The following ACBD3 variants were observed in gnomAD, a reference collection of about 807,000 sequenced individuals.
ACBD3 encodes the protein Golgi resident protein GCP60.
In ACBD3, 30 loss-of-function variants were observed where a neutral mutation model predicts 66.9. The ratio of observed to expected loss-of-function variants is 0.45; its 90% confidence interval spans 0.34 to 0.61. ACBD3 has a LOEUF of 0.61. ACBD3 is among the 20% of genes least tolerant of loss of function. The pLI is 0.02. For missense variants in ACBD3, 544 were observed against 664.5 expected, an observed-to-expected ratio of 0.82 and a Z score of 1.99; for synonymous variants, 278 against 259.8, an observed-to-expected ratio of 1.07 and a Z score of -0.68.
Position 226,149,377 on chromosome 1 carries a change from C to T in ACBD3, c.1376-2556G>A, listed in dbSNP as rs75421564. On this transcript the variant is annotated intron_variant, in intron 7 of 7. Coordinates refer to ENST00000366812, the MANE Select transcript of ACBD3 (RefSeq NM_022735.4). ...AAGTAGCTGGGATTACAGGCATGTG[C>T]CACCATGCCTGGCTAATTTTTGTAC... Among the ~76,000 whole-genome samples, 5 of 151,640 alleles carry T rather than the reference C, an allele frequency of 3.3e-5. No homozygotes were observed. In the South Asian group the frequency reaches 1.0e-3, roughly 32 times the overall value.
At chr1:226,149,545 T>A (rs1311810147) in intron 7 of ACBD3, among the ~76,000 whole-genome samples, 17 of 118,444 alleles carry the variant, frequency 1.4e-4, no homozygotes, top group Admixed American at 7.0e-4. Flanking sequence ...TTTTTTTTTT[T>A]TTTTTTTTTT....
intron 6 of ACBD3, among the ~76,000 whole-genome samples, chr1:226,154,401 T>A (rs1382709243): frequency 6.6e-6 from 1 of 150,474 alleles, no homozygotes; most frequent in East Asian, 1.9e-4. Flanking sequence ...AATAGATAAT[T>A]TATATATATA....
Position 226,161,685 on chromosome 1 carries a change from C to G in ACBD3, c.574G>C (p.Glu192Gln). Residue 192 changes from glutamate to glutamine, a missense_variant, in exon 4 of 8, where the codon GAG becomes CAG. By Grantham distance (29) the Glu-to-Gln change is conservative. This residue lies in a region of ACBD3 where 383 missense variants were observed against 462.4 expected (regional missense o/e 0.83). Coordinates refer to ENST00000366812, the MANE Select transcript of ACBD3 (RefSeq NM_022735.4). ...EKEEQEKKRK[E>Q]EEERRRREEE... is the part of the protein sequence containing the mutation. Reference sequence around the variant, plus strand: ...TCACGCCGCCTTCGCTCCTCTTCCTCCTTCCTACAAGGCAAAGATAGAGAA... The same window carrying G: ...TCACGCCGCCTTCGCTCCTCTTCCTGCTTCCTACAAGGCAAAGATAGAGAA... 6.3e-7 allele frequency: 1 copy of G among 1,589,280 alleles called. No homozygotes were observed.
Position 226,164,883 on chromosome 1 carries a change from C to A in ACBD3, c.475G>T (p.Val159Leu), listed in dbSNP as rs759745289. ...CTATTTAAGAGCTTGACAAACTCCA[C>A]CATGGCATCCTCTTTAGACATGTTT... ...LGNMSKEDAM[V>L]EFVKLLNRCC... Residue 159 changes from valine (V) to leucine (L), a missense_variant, in exon 3 of 8, where the codon GTG becomes TTG. Transcript: ENST00000366812. The A allele has an allele frequency of 9.3e-6, 15 of 1,608,638 alleles. No individual in the cohort carries two copies. Among genetic ancestry groups the A allele is most frequent in the African/African-American group, 1.3e-5 (1 of 74,856 alleles).
At position 226,186,686 on chromosome 1, in the gene ACBD3, T is replaced by C. The variant is rs566364351; in HGVS notation, c.-11A>G. On this transcript the variant is annotated 5_prime_UTR_variant, in exon 1 of 8. Coordinates refer to ENST00000366812, the MANE Select transcript of ACBD3 (RefSeq NM_022735.4). ...CAGCACCGCCGCCATCTCCGGCTGC[T>C]GCACCTCCTCAGCGGGGACAGACGG... 3.8e-5 allele frequency: 56 copies of C among 1,488,656 alleles called. No homozygotes were observed. Among genetic ancestry groups the C allele is most frequent in the African/African-American group, 3.7e-4 (26 of 69,526 alleles). The allele number at this position is 1,488,656 out of a possible 1,614,324, so 92.2% of individuals were successfully genotyped here.
chr1:226,176,585 T>C (rs777743715), intron 1 of ACBD3, among the ~76,000 whole-genome samples: 1 of 152,198 alleles, frequency 6.6e-6, no homozygotes, highest in Non-Finnish European at 1.5e-5. Context: ...TCATATTTAT[T>C]ACTACAATTT....
chr1:226,180,280 A>G (rs1445629435), intron 1 of ACBD3, among the ~76,000 whole-genome samples: 1 of 152,182 alleles, frequency 6.6e-6, no homozygotes, highest in Non-Finnish European at 1.5e-5. Context: ...AAAAGTTTTA[A>G]GACTTCCCCT....
intron 6 of ACBD3, among the ~76,000 whole-genome samples, chr1:226,153,238 TTC>T (rs1659609702): frequency 1.3e-5 from 2 of 152,192 alleles, no homozygotes; most frequent in Non-Finnish European, 2.9e-5. Flanking sequence ...TTGAAATATT[TTC>T]TCTCATTTGA....
At chr1:226,168,401 G>C (rs1870928) in intron 1 of ACBD3, among the ~76,000 whole-genome samples, 15,476 of 152,130 alleles carry the variant, frequency 0.1, 895 homozygotes, top group South Asian at 0.19. Context: ...ACATATGCTT[G>C]ACAAGCACTC....
intron 5 of ACBD3, among the ~76,000 whole-genome samples, chr1:226,155,604 AG>A (rs1264253547): frequency 6.6e-6 from 1 of 152,224 alleles, no homozygotes; most frequent in African/African-American, 2.4e-5. Context: ...TCACAAAGGC[AG>A]AAGCTATAAT....
intron 1 of ACBD3, among the ~76,000 whole-genome samples, chr1:226,181,482 T>C (rs989446141): frequency 6.6e-6 from 1 of 152,188 alleles, no homozygotes. Context: ...CACAATTGGG[T>C]ATAATCAATA....
intron 1 of ACBD3, among the ~76,000 whole-genome samples, chr1:226,172,465 G>A (rs1655852018): frequency 6.6e-6 from 1 of 152,116 alleles, no homozygotes; most frequent in African/African-American, 2.4e-5. Flanking sequence ...CACCTACTTG[G>A]GAGGCTGAGA....
chr1:226,186,320 G>A lies in ACBD3; in HGVS notation c.286+70C>T, dbSNP rs1656305342. ...AGGGCAAGTCTGGTCCAGTCACCCT[G>A]GGGACCACAGCCCACGCCGGGCTCC... On this transcript the variant is annotated intron_variant, in intron 1 of 7. Coordinates refer to ENST00000366812, the MANE Select transcript of ACBD3 (RefSeq NM_022735.4). 4.1e-6 allele frequency: 6 copies of A among 1,445,966 alleles called. No individual in the cohort carries two copies. In the East Asian group the frequency reaches 1.8e-4, roughly 43 times the overall value. The allele number at this position is 1,445,966 out of a possible 1,614,324, so 89.6% of individuals were successfully genotyped here. A position where few individuals can be genotyped will look rare whatever the true frequency, so the allele number is the denominator to read the frequency against.
Position 226,146,837 on chromosome 1 carries a change from C to T in ACBD3, c.1376-16G>A, listed in dbSNP as rs765542322. 2 of 1,610,536 alleles carry T rather than the reference C, an allele frequency of 1.2e-6. No homozygotes were observed. Among genetic ancestry groups the T allele is most frequent in the Non-Finnish European group, 1.7e-6 (2 of 1,176,796 alleles). On this transcript the variant is annotated splice_polypyrimidine_tract_variant and intron_variant, in intron 7 of 7. Coordinates refer to ENST00000366812, the MANE Select transcript of ACBD3 (RefSeq NM_022735.4). ...CCGATGTTTTCTGTAAGAACAGAGA[C>T]AAGTCAATGAACAGATTCAGGAAAA...
chr1:226,163,439 A>G (rs993597047), intron 3 of ACBD3, among the ~76,000 whole-genome samples: 1 of 152,152 alleles, frequency 6.6e-6, no homozygotes, highest in Non-Finnish European at 1.5e-5. Context: ...GACATAAATC[A>G]ATTTTCCAGT....
chr1:226,175,282 G>A (rs9729045), intron 1 of ACBD3, among the ~76,000 whole-genome samples: 23,948 of 152,058 alleles, frequency 0.16, 1,980 homozygotes, highest in East Asian at 0.22. Context: ...AAGATATTAA[G>A]GGGTGTGCAT....
intron 3 of ACBD3, among the ~76,000 whole-genome samples, chr1:226,162,795 C>T (rs1000177280): frequency 6.6e-6 from 1 of 151,500 alleles, no homozygotes; most frequent in Non-Finnish European, 1.5e-5. Flanking sequence ...AATAACATGA[C>T]CTATTTTTTT....
chr1:226,160,956 C>G (rs980467293), intron 4 of ACBD3, among the ~76,000 whole-genome samples: 1 of 152,170 alleles, frequency 6.6e-6, no homozygotes, highest in Non-Finnish European at 1.5e-5. Context: ...AAACATAGAC[C>G]AAATAAATCC....
intron 5 of ACBD3, among the ~76,000 whole-genome samples, chr1:226,157,183 C>T (rs577682787): frequency 6.6e-6 from 1 of 151,876 alleles, no homozygotes; most frequent in African/African-American, 2.4e-5. Flanking sequence ...CTTTTCTCTT[C>T]TCAGAAGCAA....
Sources: allele counts gnomAD v4.1 joint callset (sites outside exome capture counted in the v4.1 genomes callset), GRCh38; gene constraint gnomAD v4.1.1; regional missense constraint gnomAD v4.1.1; transcripts MANE v1.5; gene names NCBI Gene and HGNC (gene_info 2026-07-23, HGNC 2026-07-21).